The following SHANK2 variants were observed in gnomAD, a reference collection of about 807,000 sequenced individuals.
The protein encoded by SHANK2 is SH3 and multiple ankyrin repeat domains protein 2.
In SHANK2, 43 loss-of-function variants were observed where a neutral mutation model predicts 133.7. The ratio of observed to expected loss-of-function variants is 0.32; its 90% CI spans 0.25 to 0.41. The LOEUF is 0.41. Ranked by LOEUF, SHANK2 falls within the 10% of genes least tolerant of loss-of-function variation. The pLI is 1.00. For missense variants in SHANK2, 1,994 were observed against 2,235.8 expected (o/e 0.89, Z 2.18); for synonymous variants, 1,017 against 952.8 (o/e 1.07, Z -1.24).
intron 14 of SHANK2, among the ~76,000 whole-genome samples, chr11:70,713,877 G>A (rs2134604519): frequency 6.6e-6 from 1 of 152,366 alleles, no homozygotes; most frequent in East Asian, 1.9e-4. Context: ...CTGCTGTACA[G>A]GTGAAGAAGC....
At chr11:70,784,350 T>TG (rs1328387272) in intron 14 of SHANK2, among the ~76,000 whole-genome samples, 2 of 122,780 alleles carry the variant, frequency 1.6e-5, no homozygotes, top group Non-Finnish European at 3.3e-5. Context: ...CTAGTTTTTT[T>TG]TTTTTTTTTT....
intron 17 of SHANK2, among the ~76,000 whole-genome samples, chr11:70,506,955 G>A (rs1486650996): frequency 2.6e-5 from 4 of 152,210 alleles, no homozygotes; most frequent in Non-Finnish European, 4.4e-5. Flanking sequence ...CCCATCCAGC[G>A]ATTACCAAGG....
rs546878083 is a variant in SHANK2 at position 70,554,158 on chromosome 11, CACA to C, written c.2062-51230_2062-51228del. 7.9e-5 allele frequency among the ~76,000 whole-genome samples: 12 copies of C among 152,352 alleles called. 2 individuals carry two copies. Among genetic ancestry groups the C allele is most frequent in the Middle Eastern group, 6.8e-3 (2 of 294 alleles). On this transcript the variant is annotated intron_variant, in intron 17 of 25. Transcript: ENST00000601538. Reference sequence around the variant, plus strand: ...GAGTCCAGCCCCTGTCCCCAGAAAACACAACATCTGCAACCCTCCCCTCCTGAT... The same window carrying C: ...GAGTCCAGCCCCTGTCCCCAGAAAACACATCTGCAACCCTCCCCTCCTGAT...
intron 11 of SHANK2, among the ~76,000 whole-genome samples, chr11:70,822,524 T>G (rs369144713): frequency 6.8e-6 from 1 of 146,250 alleles, no homozygotes; most frequent in African/African-American, 2.6e-5. Context: ...GCAGAGTTCA[T>G]GAGGGACAGA....
At chr11:70,611,000 T>C (rs1392806389) in intron 17 of SHANK2, among the ~76,000 whole-genome samples, 2 of 152,204 alleles carry the variant, frequency 1.3e-5, no homozygotes, top group Non-Finnish European at 2.9e-5. Flanking sequence ...CAGCAAATGA[T>C]GCACCCTGAT....
chr11:70,764,241 C>A (rs1555040875), intron 14 of SHANK2, among the ~76,000 whole-genome samples: 1 of 150,890 alleles, frequency 6.6e-6, no homozygotes, highest in Non-Finnish European at 1.5e-5. Context: ...CACTACCCAC[C>A]CATGCATCCA....
intron 2 of SHANK2, among the ~76,000 whole-genome samples, chr11:71,170,545 G>A (rs1953293758): frequency 6.6e-6 from 1 of 152,222 alleles, no homozygotes; most frequent in Non-Finnish European, 1.5e-5. Flanking sequence ...TGTGAAAGCA[G>A]AAGAAACTAT....
At chr11:70,826,303 C>T (rs1948639060) in intron 11 of SHANK2, among the ~76,000 whole-genome samples, 1 of 152,194 alleles carries the variant, frequency 6.6e-6, no homozygotes, top group South Asian at 2.1e-4. Flanking sequence ...CGGACCAACT[C>T]AAACCAAACC....
intron 19 of SHANK2, 39 bp from the exon 20 acceptor site, chr11:70,501,970 A>G: frequency 6.4e-7 from 1 of 1,551,904 alleles, no homozygotes; most frequent in Non-Finnish European, 8.7e-7. Context: ...AAACAATGTT[A>G]GATAAACAGA....
chr11:70,919,629 G>A (rs1434855945), intron 10 of SHANK2, among the ~76,000 whole-genome samples: 2 of 152,110 alleles, frequency 1.3e-5, no homozygotes, highest in African/African-American at 4.8e-5. Flanking sequence ...TGATCCACCC[G>A]CCTTGACCTC....
chr11:70,918,389 C>T (rs781834696), intron 10 of SHANK2, among the ~76,000 whole-genome samples: 4 of 152,360 alleles, frequency 2.6e-5, no homozygotes, highest in Non-Finnish European at 4.4e-5. Flanking sequence ...CAAGGTCACC[C>T]AGCACCCACT....
chr11:71,103,383 C>T (rs143455307), intron 6 of SHANK2, among the ~76,000 whole-genome samples: 236 of 152,318 alleles, frequency 1.5e-3, no homozygotes, highest in Middle Eastern at 3.4e-3. Flanking sequence ...CTGGGACCAA[C>T]AGGCTTCCCA....
At chr11:70,731,186 A>C (rs1946281627) in intron 14 of SHANK2, among the ~76,000 whole-genome samples, 1 of 152,184 alleles carries the variant, frequency 6.6e-6, no homozygotes, top group Non-Finnish European at 1.5e-5. Flanking sequence ...ACACCTGTGC[A>C]CCTTCTTGCT....
intron 17 of SHANK2, among the ~76,000 whole-genome samples, chr11:70,568,315 T>A (rs2059993793): frequency 6.6e-6 from 1 of 152,136 alleles, no homozygotes; most frequent in African/African-American, 2.4e-5. Flanking sequence ...GGAAGTGAGC[T>A]TAGGGACAGA....
intron 17 of SHANK2, among the ~76,000 whole-genome samples, chr11:70,567,634 G>T (rs1240539758): frequency 2.4e-5 from 3 of 127,602 alleles, no homozygotes; most frequent in Non-Finnish European, 3.4e-5. Context: ...TCTCACAAAA[G>T]AAAAAAAAAA....
chr11:71,127,244 GA>G (rs1408034648), intron 3 of SHANK2, among the ~76,000 whole-genome samples: 1 of 152,180 alleles, frequency 6.6e-6, no homozygotes. Context: ...ATGAGCAGAG[GA>G]AGTGGTTTCC....
At chr11:71,089,696 C>T (rs1011949929) in intron 8 of SHANK2, among the ~76,000 whole-genome samples, 4 of 152,196 alleles carry the variant, frequency 2.6e-5, no homozygotes, top group South Asian at 2.1e-4. Flanking sequence ...AAGAGGCGAG[C>T]GTGGTCAGGC....
chr11:71,223,766 G>T (rs1199403547), intron 2 of SHANK2, among the ~76,000 whole-genome samples: 1 of 152,170 alleles, frequency 6.6e-6, no homozygotes, highest in East Asian at 1.9e-4. Flanking sequence ...CAGCTGAGAG[G>T]CCCTTCCCTG....
intron 10 of SHANK2, chr11:70,907,921 G>A (rs782755431): frequency 6.6e-6 from 3 of 452,518 alleles, no homozygotes; most frequent in South Asian, 3.1e-5. Flanking sequence ...GGCCAACATA[G>A]CAAAACCCAT....
Sources: gnomAD v4.1 joint callset for allele counts (sites outside exome capture counted in the v4.1 genomes callset) on GRCh38, gnomAD v4.1.1 for gene constraint, MANE v1.5 for transcripts, NCBI Gene and HGNC (gene_info 2026-07-23, HGNC 2026-07-21) for gene names.